FGF7: variants seen among roughly 807,000 people sequenced by gnomAD.
FGF7 encodes the protein fibroblast growth factor 7, also known as FGF-7.
Under a neutral mutation model 20.5 loss-of-function variants are expected in FGF7, and 6 were observed. That is an observed-to-expected ratio of 0.29 (90% CI 0.16 to 0.58). The LOEUF (loss-of-function observed/expected upper bound fraction) is 0.58. FGF7 is among the 20% of genes least tolerant of loss of function. The pLI is 0.90. For missense variants in FGF7, 144 were observed against 228.8 expected (o/e 0.63, Z 2.39); for synonymous variants, 64 against 74.7 (o/e 0.86, Z 0.74).
chr15:49,472,600 G>A (rs965552222), intron 2 of FGF7, among the ~76,000 whole-genome samples: 10 of 152,162 alleles, frequency 6.6e-5, no homozygotes, highest in Non-Finnish European at 1.3e-4. Context: ...ACAATTAAAA[G>A]TCTTTGCTCA....
At chr15:49,464,140 G>A (rs2054058721) in intron 2 of FGF7, among the ~76,000 whole-genome samples, 1 of 152,108 alleles carries the variant, frequency 6.6e-6, no homozygotes, top group Admixed American at 6.5e-5. Context: ...GGTTAGGCAG[G>A]GGATGGATTT....
Position 49,459,933 on chromosome 15 carries a change from C to A in FGF7, c.287-23218C>A, listed in dbSNP as rs538914766. Among the ~76,000 whole-genome samples the A allele has an allele frequency of 6.3e-4, 96 of 152,274 alleles. 1 individual carries two copies. Among genetic ancestry groups the A allele is most frequent in the Admixed American group, 2.9e-3 (44 of 15,294 alleles). ...CAAATGCCACACATTAGAGACATTT[C>A]TTTTCTTCTGGAGAGTCTGTTCTTA... is the stretch of plus-strand genomic sequence containing the variant. On this transcript the variant is annotated intron_variant, in intron 2 of 3. Coordinates refer to ENST00000267843, the MANE Select transcript of FGF7 (RefSeq NM_002009.4).
At chr15:49,463,298 A>T (rs1277212848) in intron 2 of FGF7, among the ~76,000 whole-genome samples, 3 of 152,218 alleles carry the variant, frequency 2.0e-5, no homozygotes, top group Non-Finnish European at 4.4e-5. Context: ...TCACACCTGT[A>T]ATCCCAGCAC....
intron 2 of FGF7, among the ~76,000 whole-genome samples, chr15:49,441,448 T>C (rs934653550): frequency 4.0e-5 from 6 of 151,732 alleles, no homozygotes; most frequent in Non-Finnish European, 8.8e-5. Context: ...AGACATTAAA[T>C]GCTAAATCAT....
chr15:49,466,245 T>C (rs2054256044), intron 2 of FGF7, among the ~76,000 whole-genome samples: 1 of 152,226 alleles, frequency 6.6e-6, no homozygotes, highest in African/African-American at 2.4e-5. Flanking sequence ...ACTGGAAACC[T>C]GAAAATCTTT....
intron 2 of FGF7, chr15:49,425,122 T>C (rs1284347213): frequency 6.6e-6 from 1 of 152,122 alleles, no homozygotes. Context: ...GTATCCTTAT[T>C]CATTTGAGTC....
chr15:49,427,106 C>T (rs1265897002), intron 2 of FGF7, among the ~76,000 whole-genome samples: 1 of 151,870 alleles, frequency 6.6e-6, no homozygotes, highest in Non-Finnish European at 1.5e-5. Flanking sequence ...TAGCCATTTC[C>T]TATTATTTGA....
chr15:49,468,802 C>T (rs1427710620), intron 2 of FGF7, among the ~76,000 whole-genome samples: 1 of 152,112 alleles, frequency 6.6e-6, no homozygotes, highest in East Asian at 1.9e-4. Context: ...GGTCCTATCC[C>T]AATACTAGCA....
intron 2 of FGF7, among the ~76,000 whole-genome samples, chr15:49,477,585 G>C (rs1159139678): frequency 1.3e-5 from 2 of 152,104 alleles, no homozygotes; most frequent in African/African-American, 4.8e-5. Context: ...TTTACCTATT[G>C]GATATGTGGG....
chr15:49,457,741 G>C (rs1180518796), intron 2 of FGF7, among the ~76,000 whole-genome samples: 1 of 151,842 alleles, frequency 6.6e-6, no homozygotes, highest in South Asian at 2.1e-4. Flanking sequence ...CAAGTTTTGA[G>C]GCTTTATTTA....
intron 2 of FGF7, among the ~76,000 whole-genome samples, chr15:49,453,101 A>G (rs554444263): frequency 1.3e-5 from 2 of 152,098 alleles, no homozygotes; most frequent in Admixed American, 6.6e-5. Context: ...TCATCCTAAA[A>G]TATTGCATTG....
intron 2 of FGF7, among the ~76,000 whole-genome samples, chr15:49,438,568 T>C (rs1435180807): frequency 1.3e-5 from 2 of 151,680 alleles, no homozygotes; most frequent in Non-Finnish European, 3.0e-5. Context: ...ATACACATTA[T>C]ATATAGCATA....
chr15:49,458,548 T>G (rs1214856538), intron 2 of FGF7, among the ~76,000 whole-genome samples: 1 of 152,118 alleles, frequency 6.6e-6, no homozygotes, highest in African/African-American at 2.4e-5. Context: ...AAGAAACTCT[T>G]TAAGAACAGG....
At chr15:49,457,185 G>A (rs2053381688) in intron 2 of FGF7, among the ~76,000 whole-genome samples, 7 of 151,998 alleles carry the variant, frequency 4.6e-5, no homozygotes, top group Admixed American at 4.6e-4. Context: ...TGGGAAAGCA[G>A]GAAGCAGTTT....
At chr15:49,475,849 G>A (rs770216822) in intron 2 of FGF7, among the ~76,000 whole-genome samples, 15 of 152,234 alleles carry the variant, frequency 9.9e-5, no homozygotes, top group Admixed American at 6.5e-4. Context: ...TTAGGCGGTC[G>A]TGGTGGCGCA....
intron 2 of FGF7, among the ~76,000 whole-genome samples, chr15:49,430,337 T>A (rs879667286): frequency 6.6e-6 from 1 of 151,870 alleles, no homozygotes; most frequent in Non-Finnish European, 1.5e-5. Flanking sequence ...TGTCTGCTTA[T>A]TCTGCACTTA....
At chr15:49,461,431 AGAG>A (rs2053786091) in intron 2 of FGF7, among the ~76,000 whole-genome samples, 1 of 151,976 alleles carries the variant, frequency 6.6e-6, no homozygotes, top group Non-Finnish European at 1.5e-5. Flanking sequence ...AACTATAAAA[AGAG>A]GAGTGGCTTA....
chr15:49,428,269 G>A (rs999734615), intron 2 of FGF7, among the ~76,000 whole-genome samples: 16 of 151,946 alleles, frequency 1.1e-4, no homozygotes, highest in African/African-American at 3.9e-4. Context: ...TAGCCTAACA[G>A]TGGGTTTCCA....
At chr15:49,474,175 A>C (rs760938161) in intron 2 of FGF7, among the ~76,000 whole-genome samples, 10 of 152,280 alleles carry the variant, frequency 6.6e-5, no homozygotes, top group Admixed American at 5.2e-4. Context: ...AATAATGAAC[A>C]CTATTCTGTC....
Sources: allele counts gnomAD v4.1 joint callset (sites outside exome capture counted in the v4.1 genomes callset), GRCh38; gene constraint gnomAD v4.1.1; transcripts MANE v1.5; gene names NCBI Gene and HGNC (gene_info 2026-07-23, HGNC 2026-07-21).